Variants in STS observed in about 807,000 individuals in gnomAD.
STS encodes the protein steryl-sulfatase.
Under a neutral mutation model 26.8 loss-of-function variants are expected in STS, and 7 were observed. The ratio of observed to expected loss-of-function variants is 0.26; its 90% CI spans 0.15 to 0.49. The LOEUF (loss-of-function observed/expected upper bound fraction) is 0.49, where lower values mean the gene tolerates loss of function less well. STS is among the 20% of genes least tolerant of loss of function. The pLI is 0.98. For missense variants in STS, 434 were observed against 465.6 expected (o/e 0.93, Z 0.63); for synonymous variants, 199 against 189.4 (o/e 1.05, Z -0.42).
At chrX:7,324,269 G>C (rs1323834612) in intron 8 of STS, among the ~76,000 whole-genome samples, 1 of 110,816 alleles carries the variant, frequency 9.0e-6, no homozygotes, top group Admixed American at 9.7e-5. Context: ...GTCAATAGAA[G>C]GGAGTGTCTG....
chrX:7,283,735 G>A (rs1406420003), intron 7 of STS, among the ~76,000 whole-genome samples: 2 of 111,579 alleles, frequency 1.8e-5, no homozygotes, highest in African/African-American at 6.5e-5. Flanking sequence ...TGAGTGATTA[G>A]CAACAGAAGG....
chrX:7,311,411 G>A (rs758009650), intron 8 of STS, among the ~76,000 whole-genome samples: 42 of 111,951 alleles, frequency 3.8e-4, no homozygotes, highest in Non-Finnish European at 6.4e-4. Flanking sequence ...AAAGCAAGCT[G>A]CTGGAAGTGG....
chrX:7,326,389 T>C (rs758212488), intron 9 of STS, among the ~76,000 whole-genome samples: 39 of 111,754 alleles, frequency 3.5e-4, no homozygotes, highest in African/African-American at 1.3e-3. Flanking sequence ...GCTGACGCTC[T>C]TCTCGTCTGT....
chrX:7,169,695 T>C (rs1448940082), intron 1 of STS, among the ~76,000 whole-genome samples: 1 of 112,148 alleles, frequency 8.9e-6, no homozygotes, highest in Non-Finnish European at 1.9e-5. Flanking sequence ...GCAATTATAG[T>C]ATCTCCTGCC....
intron 7 of STS, among the ~76,000 whole-genome samples, chrX:7,292,499 G>A (rs750146959): frequency 1.8e-5 from 2 of 112,240 alleles, no homozygotes; most frequent in Non-Finnish European, 1.9e-5. Context: ...ATATGGATTT[G>A]CATAAAAGCA....
intron 8 of STS, among the ~76,000 whole-genome samples, chrX:7,315,112 C>G (rs1397254346): frequency 8.9e-6 from 1 of 111,916 alleles, no homozygotes; most frequent in Non-Finnish European, 1.9e-5. Context: ...CACAGTAATA[C>G]GCTTCATTGA....
chrX:7,254,577 C>CTTTTT (rs34965003), intron 3 of STS, among the ~76,000 whole-genome samples: 28 of 73,047 alleles, frequency 3.8e-4, no homozygotes, highest in Non-Finnish European at 5.3e-4. Flanking sequence ...TTTTCTTCTT[C>CTTTTT]TTTTTTTTTT....
intron 10 of STS, among the ~76,000 whole-genome samples, chrX:7,344,447 G>A (rs1928432271): frequency 9.0e-6 from 1 of 111,323 alleles, no homozygotes; most frequent in African/African-American, 3.3e-5. Context: ...TGTCATGGTG[G>A]GAAGGTGGGG....
rs5901336 is a variant in STS at position 7,148,946 on chromosome X, CTTTTT to C, written c.-134+871_-134+875del. Among the ~76,000 whole-genome samples the C allele has an allele frequency of 2.9e-5, 3 of 104,159 alleles. No individual in the cohort carries two copies. In the Admixed American group the frequency reaches 3.1e-4, roughly 11 times the overall value. The allele number at this position is 104,159 out of a possible 115,157, so 90.4% of individuals were successfully genotyped here. A position where few individuals can be genotyped will look rare whatever the true frequency, so the allele number is the denominator to read the frequency against. Reference sequence around the variant, plus strand: ...TTTCAAATGCCACCTAAACAGCTTTCTTTTTTTTTTTTCCCGTTTGCCATCGTCAA... The same window carrying C: ...TTTCAAATGCCACCTAAACAGCTTTCTTTTTTTCCCGTTTGCCATCGTCAA... On this transcript the variant is annotated intron_variant, in intron 1 of 10. Transcript: ENST00000674429.
At chrX:7,282,015 A>G (rs1182665557) in intron 7 of STS, among the ~76,000 whole-genome samples, 2 of 112,297 alleles carry the variant, frequency 1.8e-5, no homozygotes, top group Non-Finnish European at 3.8e-5. Context: ...CACAAAACGC[A>G]GATTAATTGG....
chrX:7,342,850 A>G (rs1928355233), intron 10 of STS, among the ~76,000 whole-genome samples: 1 of 111,937 alleles, frequency 8.9e-6, no homozygotes, highest in Non-Finnish European at 1.9e-5. Flanking sequence ...CTTTGGGTGT[A>G]AGAAAAGATT....
At chrX:7,251,030 A>G (rs1024144605) in intron 2 of STS, among the ~76,000 whole-genome samples, 8 of 112,421 alleles carry the variant, frequency 7.1e-5, no homozygotes, top group African/African-American at 2.6e-4. Context: ...TATTAAATTG[A>G]TGGTCATACA....
intron 10 of STS, among the ~76,000 whole-genome samples, chrX:7,338,828 T>C (rs1481245056): frequency 1.8e-5 from 2 of 112,148 alleles, no homozygotes; most frequent in Non-Finnish European, 3.8e-5. Flanking sequence ...GTTATATGAG[T>C]GTTTCAAATG....
At chrX:7,284,256 T>G (rs1471157011) in intron 7 of STS, among the ~76,000 whole-genome samples, 1 of 112,089 alleles carries the variant, frequency 8.9e-6, no homozygotes, top group Non-Finnish European at 1.9e-5. Context: ...AATCGTTGGT[T>G]ACCTGCCAAC....
At chrX:7,214,975 TATATAC>T (rs202131959) in intron 2 of STS, among the ~76,000 whole-genome samples, 28,195 of 84,374 alleles carry the variant, frequency 0.33, 4,247 homozygotes, top group East Asian at 0.38. Flanking sequence ...TATATATGTA[TATATAC>T]ATATATATAC....
intron 1 of STS, among the ~76,000 whole-genome samples, chrX:7,150,569 G>A (rs1932991791): frequency 8.9e-6 from 1 of 112,090 alleles, no homozygotes; most frequent in South Asian, 3.7e-4. Flanking sequence ...CCATTTTGAC[G>A]AAATGGCAAA....
Position 7,200,377 on chromosome X carries a change from T to G in STS, c.-5+9369T>G, listed in dbSNP as rs185143390. Among the ~76,000 whole-genome samples, 3 of 111,550 alleles carry G rather than the reference T, an allele frequency of 2.7e-5. No individual in the cohort carries two copies. The Admixed American group carries it at 2.9e-4, about 11-fold the overall frequency. On this transcript the variant is annotated intron_variant, in intron 2 of 10. Coordinates refer to ENST00000674429, the MANE Select transcript of STS (RefSeq NM_001320752.2). The stretch of plus-strand genomic sequence containing the variant: ...TATATTAACTCTAGACTCTCAAATT[T>G]CAAATCATATTATGACGTCTCTGAT...
At chrX:7,215,052 C>CGT (rs1921237824) in intron 2 of STS, among the ~76,000 whole-genome samples, 2 of 72,975 alleles carry the variant, frequency 2.7e-5, no homozygotes, top group Non-Finnish European at 5.1e-5. Flanking sequence ...CATATATATA[C>CGT]GTATATATGT....
At chrX:7,215,340 C>G (rs1359936169) in intron 2 of STS, among the ~76,000 whole-genome samples, 2 of 109,330 alleles carry the variant, frequency 1.8e-5, no homozygotes, top group Non-Finnish European at 3.8e-5. Context: ...GCAGACAAAC[C>G]AGGGTTCCAT....
Sources: gnomAD v4.1 joint callset for allele counts (sites outside exome capture counted in the v4.1 genomes callset) on GRCh38, gnomAD v4.1.1 for gene constraint, MANE v1.5 for transcripts, NCBI Gene and HGNC (gene_info 2026-07-23, HGNC 2026-07-21) for gene names.